Variants in APBB2 observed in about 807,000 individuals in gnomAD.
APBB2 encodes the protein amyloid beta precursor protein binding family B member 2.
A neutral mutation model predicts 82.5 loss-of-function variants in APBB2; 38 were observed. That is an observed-to-expected ratio of 0.46 (90% CI 0.36 to 0.60). The LOEUF (loss-of-function observed/expected upper bound fraction) is 0.60. Among genes scored for constraint, APBB2 ranks in the 20% least tolerant of loss-of-function variants. The probability of loss-of-function intolerance (pLI) is 0.00; values close to 1 mark genes in which losing one functional copy is unlikely to be tolerated. For synonymous variants in APBB2, 341 were observed against 368.2 expected (o/e 0.93, Z 0.85); for missense variants, 772 against 972.3 (o/e 0.79, Z 2.74).
At chr4:40,938,898 G>A (rs1786080354) in intron 7 of APBB2, among the ~76,000 whole-genome samples, 1 of 152,164 alleles carries the variant, frequency 6.6e-6, no homozygotes, top group Non-Finnish European at 1.5e-5. Flanking sequence ...ATTCAGAGGT[G>A]GGGCCTTTAA....
intron 1 of APBB2, among the ~76,000 whole-genome samples, chr4:41,190,241 A>ATTTTTTT (rs1160837303): frequency 1.4e-4 from 10 of 71,808 alleles, no homozygotes; most frequent in African/African-American, 2.3e-4. Context: ...TACATAGGCT[A>ATTTTTTT]TTTTTTTTTT....
chr4:41,072,256 TG>T (rs1275227738), intron 3 of APBB2, among the ~76,000 whole-genome samples: 2 of 152,304 alleles, frequency 1.3e-5, no homozygotes, highest in East Asian at 3.9e-4. Context: ...TGCTGGTAAC[TG>T]GGTTTAACCT....
intron 1 of APBB2, among the ~76,000 whole-genome samples, chr4:41,158,688 T>C (rs1764083689): frequency 6.6e-6 from 1 of 152,218 alleles, no homozygotes; most frequent in African/African-American, 2.4e-5. Context: ...CTCTGCAACC[T>C]GTATGCTGCT....
chr4:40,824,644 T>C (rs999537576), intron 15 of APBB2, among the ~76,000 whole-genome samples: 2 of 152,260 alleles, frequency 1.3e-5, no homozygotes, highest in African/African-American at 2.4e-5. Context: ...CATGCCACCA[T>C]GCCCAGCTAA....
intron 10 of APBB2, among the ~76,000 whole-genome samples, chr4:40,923,155 T>G (rs944904349): frequency 1.3e-5 from 2 of 151,624 alleles, no homozygotes; most frequent in African/African-American, 4.8e-5. Flanking sequence ...TTTTGTATTT[T>G]TAGTAGAGAC....
In APBB2 at chr4:41,061,089, AT is replaced by A. The variant is rs1729663237; in HGVS notation, c.-51+4486del. The stretch of plus-strand genomic sequence containing the variant: ...CCTCAGTTAGATTCATTTGGCTACT[AT>A]GCATGAGTTAAGTTTGCAGGCAAAG... On this transcript the variant is annotated intron_variant, in intron 4 of 17. Transcript: ENST00000508593. Among the ~76,000 whole-genome samples, 6 of 152,316 alleles carry A rather than the reference AT, an allele frequency of 3.9e-5. No individual in the cohort carries two copies. The South Asian group carries it at 1.2e-3, about 32-fold the overall frequency.
intron 12 of APBB2, among the ~76,000 whole-genome samples, chr4:40,856,491 T>C (rs1761224969): frequency 6.6e-6 from 1 of 152,230 alleles, no homozygotes; most frequent in Non-Finnish European, 1.5e-5. Flanking sequence ...ATATCCTAAA[T>C]CGTGTAACTA....
chr4:41,049,508 T>TGG (rs1725092545), intron 4 of APBB2, among the ~76,000 whole-genome samples: 1 of 130,428 alleles, frequency 7.7e-6, no homozygotes, highest in Admixed American at 7.4e-5. Flanking sequence ...GGGAGGGAGG[T>TGG]GGGGGCCAGC....
intron 10 of APBB2, among the ~76,000 whole-genome samples, chr4:40,934,037 T>C (rs1429380897): frequency 6.6e-6 from 1 of 152,194 alleles, no homozygotes; most frequent in African/African-American, 2.4e-5. Flanking sequence ...ATGACAGGAA[T>C]GGCAAAGAGA....
chr4:41,160,028 A>AGAAGAAGAG (rs1764700883), intron 1 of APBB2, among the ~76,000 whole-genome samples: 2 of 147,732 alleles, frequency 1.4e-5, no homozygotes, highest in Admixed American at 6.7e-5. Context: ...AAGAAGAAGA[A>AGAAGAAGAG]GAAGAAGAAA....
chr4:41,045,493 C>T (rs779018293), intron 4 of APBB2, among the ~76,000 whole-genome samples: 23 of 152,096 alleles, frequency 1.5e-4, no homozygotes, highest in Non-Finnish European at 2.5e-4. Context: ...GGGGTTTCAC[C>T]GCGTTAGCCA....
At chr4:40,924,504 C>T (rs962283618) in intron 10 of APBB2, among the ~76,000 whole-genome samples, 8 of 152,190 alleles carry the variant, frequency 5.3e-5, no homozygotes, top group Admixed American at 3.3e-4. Context: ...AAGAGCCTTT[C>T]CTCACCTGGT....
intron 2 of APBB2, among the ~76,000 whole-genome samples, chr4:41,129,815 A>T (rs1186597489): frequency 6.6e-6 from 1 of 151,796 alleles, no homozygotes; most frequent in African/African-American, 2.4e-5. Flanking sequence ...ATATTTATAT[A>T]AATTCCTCTT....
rs1412135054 is a variant in APBB2, at chr4:40,812,145, C to G, written c.*3947G>C. On this transcript the variant is annotated 3_prime_UTR_variant, in exon 18 of 18. Transcript: ENST00000508593. ...AAGTTACTTCCTAGTTCTTACCAGG[C>G]AGAAATATGTAGTAACTAATCAAAG... 1 of 152,146 alleles carries G rather than the reference C, an allele frequency of 6.6e-6. No homozygotes were observed. Among genetic ancestry groups the G allele is most frequent in the Non-Finnish European group, 1.5e-5 (1 of 68,032 alleles). The allele number at this position is 152,146 out of a possible 1,614,324, so 9.4% of individuals were successfully genotyped here. A position where few individuals can be genotyped will look rare whatever the true frequency, so the allele number is the denominator to read the frequency against.
intron 1 of APBB2, among the ~76,000 whole-genome samples, chr4:41,206,549 G>A (rs1010811087): frequency 1.3e-5 from 2 of 152,234 alleles, no homozygotes; most frequent in Non-Finnish European, 2.9e-5. Context: ...GGTTCTTGGA[G>A]AGGACAAGAG....
At chr4:40,939,499 C>G (rs1786285931) in intron 7 of APBB2, among the ~76,000 whole-genome samples, 1 of 152,174 alleles carries the variant, frequency 6.6e-6, no homozygotes, top group South Asian at 2.1e-4. Context: ...AAGGCTTGAC[C>G]CTTGATTAAG....
At chr4:41,143,497 C>A (rs778449433) in intron 1 of APBB2, among the ~76,000 whole-genome samples, 1 of 152,194 alleles carries the variant, frequency 6.6e-6, no homozygotes, top group Non-Finnish European at 1.5e-5. Flanking sequence ...TGGCAGGGCT[C>A]AGTCTGAATT....
In APBB2 at chr4:40,955,612, G is replaced by A. The variant is rs145867515; in HGVS notation, c.836-10539C>T. 1.9e-4 allele frequency among the ~76,000 whole-genome samples: 29 copies of A among 152,238 alleles called. 1 individual carries two copies. In the East Asian group the frequency reaches 4.4e-3, roughly 23 times the overall value. On this transcript the variant is annotated intron_variant, in intron 6 of 17. Transcript: ENST00000508593. ...CTTCAATCCAAACTATTTGAATTTA[G>A]CCTTAAAACTCTTTTTCAGGCTGGG...
At chr4:40,936,976 G>A (rs1419954747) in intron 7 of APBB2, among the ~76,000 whole-genome samples, 1 of 152,142 alleles carries the variant, frequency 6.6e-6, no homozygotes, top group Non-Finnish European at 1.5e-5. Flanking sequence ...GACCAATTTC[G>A]GTTTGGACCA....
Sources: gnomAD v4.1 joint callset for allele counts (sites outside exome capture counted in the v4.1 genomes callset) on GRCh38, gnomAD v4.1.1 for gene constraint, MANE v1.5 for transcripts, NCBI Gene and HGNC (gene_info 2026-07-23, HGNC 2026-07-21) for gene names.